The following HCN2 variants were observed in gnomAD, a reference collection of about 807,000 sequenced individuals.
HCN2 encodes potassium/sodium hyperpolarization-activated cyclic nucleotide-gated channel 2.
A neutral mutation model predicts 52.3 loss-of-function variants in HCN2; 20 were observed. The observed-to-expected ratio is 0.38, with a 90% CI of 0.27 to 0.56. HCN2 has a LOEUF of 0.56. Ranked by LOEUF, HCN2 falls within the 20% of genes least tolerant of loss-of-function variation. The pLI is 0.71. For missense variants in HCN2, 981 were observed against 1,207.7 expected, an observed-to-expected ratio of 0.81 and a Z score of 2.78; for synonymous variants, 694 against 537.0, an observed-to-expected ratio of 1.29 and a Z score of -4.04.
chr19:604,915 G>A, intron 2 of HCN2, 146 bp from the exon 3 acceptor site: 2 of 829,956 alleles, frequency 2.4e-6, no homozygotes, highest in Non-Finnish European at 3.6e-6. Context: ...GGGCAGGGCT[G>A]CAGGGTGGGG....
intron 1 of HCN2, among the ~76,000 whole-genome samples, chr19:600,430 T>C (rs1045954574): frequency 1.3e-5 from 2 of 152,142 alleles, no homozygotes; most frequent in African/African-American, 2.4e-5. Context: ...AACCTCCGCC[T>C]CACTGGTTCA....
At chr19:613,697 ATGGGGCCGGGGATGGGG>A (rs1983765131) in intron 6 of HCN2, among the ~76,000 whole-genome samples, 138 bp from the exon 7 acceptor site, 1 of 24,698 alleles carries the variant, frequency 4.0e-5, no homozygotes. Context: ...GGGGCCGGGG[ATGGGGCCGGGGATGGGG>A]CCGGGGCCGG....
In HCN2 at chr19:612,575, A is replaced by G. The variant is rs574937719; in HGVS notation, c.1585-673A>G. On this transcript the variant is annotated intron_variant, in intron 5 of 7. Transcript: ENST00000251287. ...ATTACAGGCACCCGCCACCACACCC[A>G]GCTAATTTTTTGTATTTTTAGTAGA... 8.7e-3 allele frequency among the ~76,000 whole-genome samples: 1,323 copies of G among 151,996 alleles called. 13 individuals carry two copies. The highest frequency in any genetic ancestry group is 0.015 in the Non-Finnish European group (993 of 67,966).
chr19:599,646 G>T (rs2144510691), intron 1 of HCN2, among the ~76,000 whole-genome samples: 1 of 152,110 alleles, frequency 6.6e-6, no homozygotes, highest in Non-Finnish European at 1.5e-5. Context: ...AAATTATCTG[G>T]GCGTGGTGGC....
chr19:612,423 TGTGTGA>T (rs1246200419), intron 5 of HCN2, among the ~76,000 whole-genome samples: 2 of 126,230 alleles, frequency 1.6e-5, no homozygotes, highest in African/African-American at 2.9e-5. Flanking sequence ...TGTGTGTGTG[TGTGTGA>T]GAGAGAGATG....
At position 613,006 on chromosome 19, in the gene HCN2, C is replaced by T. The variant is rs749990238; in HGVS notation, c.1585-242C>T. ...CCTTTCCACCGCTCTTGTCTACAGCCGCCCCTCCTGGTCCGATTGTATTGG... is the reference window on the plus strand; with the variant it reads ...CCTTTCCACCGCTCTTGTCTACAGCTGCCCCTCCTGGTCCGATTGTATTGG... On this transcript the variant is annotated intron_variant, in intron 5 of 7. Coordinates refer to ENST00000251287, the MANE Select transcript of HCN2 (RefSeq NM_001194.4). Among the ~76,000 whole-genome samples the T allele has an allele frequency of 5.9e-5, 9 of 152,208 alleles. 1 individual carries two copies. The highest frequency in any genetic ancestry group is 1.0e-4 in the Non-Finnish European group (7 of 68,034).
At chr19:610,166 C>A in intron 4 of HCN2, 93 bp from the exon 5 acceptor site, 1 of 1,466,364 alleles carries the variant, frequency 6.8e-7, no homozygotes, top group Non-Finnish European at 9.3e-7. Context: ...CGGTGTCTGA[C>A]CCAGCCTCGC....
intron 1 of HCN2, among the ~76,000 whole-genome samples, chr19:597,760 G>A (rs908057356): frequency 3.3e-5 from 5 of 150,500 alleles, no homozygotes; most frequent in Non-Finnish European, 7.4e-5. Context: ...CCTCCTGGTG[G>A]TTTCTAGGTC....
At chr19:596,344 C>A (rs1464093117) in intron 1 of HCN2, among the ~76,000 whole-genome samples, 1 of 152,178 alleles carries the variant, frequency 6.6e-6, no homozygotes, top group African/African-American at 2.4e-5. Context: ...GGGGGCCCCA[C>A]TGAAGCCACT....
chr19:614,081 C>T lies in HCN2; in HGVS notation c.1990+65C>T, dbSNP rs913245763. The stretch of plus-strand genomic sequence containing the variant: ...CGGGGGAGGGGCGTGGCCAAGGCAT[C>T]AGGAGAGTGGCTTGGACAGTGGCAG... On this transcript the variant is annotated intron_variant, in intron 7 of 7. Transcript: ENST00000251287. 2.4e-4 allele frequency: 138 copies of T among 565,180 alleles called. 1 individual carries two copies. The African/African-American group carries it at 6.3e-3, about 26-fold the overall frequency. 35.0% of individuals were successfully genotyped at this position (565,180 alleles called of 1,614,324 possible).
Position 616,510 on chromosome 19 carries a change from G to T in HCN2, c.*36G>T. On this transcript the variant is annotated 3_prime_UTR_variant, in exon 8 of 8. Transcript: ENST00000251287. ...CCGCCCCGCGGGCCCAGGCGGGCCG[G>T]GGGCGGGGCCGTCATCCAGACCAAA... 8.5e-7 allele frequency: 1 copy of T among 1,172,330 alleles called. No individual in the cohort carries two copies. The highest frequency in any genetic ancestry group is 2.6e-5 in the South Asian group (1 of 38,812). The allele number at this position is 1,172,330 out of a possible 1,614,324, so 72.6% of individuals were successfully genotyped here. A position where few individuals can be genotyped will look rare whatever the true frequency, so the allele number is the denominator to read the frequency against.
In HCN2 at chr19:613,882, C is replaced by T. The variant is rs1279092533; in HGVS notation, c.1856C>T (p.Thr619Met). The T allele has an allele frequency of 1.3e-6, 2 of 1,593,994 alleles. No individual in the cohort carries two copies. Among genetic ancestry groups the T allele is most frequent in the Non-Finnish European group, 1.7e-6 (2 of 1,170,736 alleles). Residue 619 changes from threonine (T) to methionine (M), a missense_variant, in exon 7 of 8, where the codon ACG becomes ATG. Around this residue, in one of 6 missense-constraint regions of HCN2, gnomAD observed 85 missense variants for 106.1 expected, o/e 0.80. Transcript: ENST00000251287. Reference sequence around the variant, plus strand: ...TGCCTGCTCACCCGGGGCCGCCGCACGGCGAGCGTGCGGGCTGACACCTAC... The same window carrying T: ...TGCCTGCTCACCCGGGGCCGCCGCATGGCGAGCGTGCGGGCTGACACCTAC... ...EICLLTRGRR[T>M]ASVRADTYCR...
chr19:594,298 G>A lies in HCN2; in HGVS notation c.632+3721G>A, dbSNP rs1469840080. Among the ~76,000 whole-genome samples, 3 of 152,172 alleles carry A rather than the reference G, an allele frequency of 2.0e-5. No individual in the cohort carries two copies. The South Asian group carries it at 6.2e-4, about 32-fold the overall frequency. On this transcript the variant is annotated intron_variant, in intron 1 of 7. Transcript: ENST00000251287. ...GGGGTTTGTGCCCTGGGAGCTCTGG[G>A]GGGCACAGGGCAGGTGTCGGGTGGA...
At chr19:612,050 C>T (rs1983658903) in intron 5 of HCN2, among the ~76,000 whole-genome samples, 1 of 151,998 alleles carries the variant, frequency 6.6e-6, no homozygotes, top group African/African-American at 2.4e-5. Context: ...GAGGCTGAGA[C>T]AGGAGAATCG....
intron 1 of HCN2, among the ~76,000 whole-genome samples, chr19:601,763 A>G (rs1456146581): frequency 1.3e-5 from 2 of 152,096 alleles, no homozygotes; most frequent in African/African-American, 4.8e-5. Context: ...TCTGTCCAGT[A>G]GCCATTTGCT....
chr19:596,871 A>G (rs929422983), intron 1 of HCN2, among the ~76,000 whole-genome samples: 1 of 151,866 alleles, frequency 6.6e-6, no homozygotes. Flanking sequence ...TCCCAAGGTC[A>G]CTCAGTCTAG....
chr19:594,723 C>T (rs1042021831), intron 1 of HCN2, among the ~76,000 whole-genome samples: 13 of 152,200 alleles, frequency 8.5e-5, no homozygotes, highest in African/African-American at 2.4e-4. Flanking sequence ...CAGGGCGAGG[C>T]GAGGGTTTGT....
chr19:595,379 C>G (rs1348099518), intron 1 of HCN2, among the ~76,000 whole-genome samples: 3 of 151,806 alleles, frequency 2.0e-5, no homozygotes, highest in Non-Finnish European at 2.9e-5. Context: ...TCCCGGCTGT[C>G]AGCATGGGCC....
rs944114585 is a variant in HCN2, at chr19:590,165, C to A, written c.220C>A (p.Arg74=). 571 of 976,746 alleles carry A rather than the reference C, an allele frequency of 5.8e-4. 5 individuals carry two copies. The African/African-American group carries it at 9.0e-3, about 15-fold the overall frequency. 60.5% of individuals were successfully genotyped at this position (976,746 alleles called of 1,614,324 possible). The change falls in exon 1 of 8, where the codon CGG becomes AGG. Residue 74 remains arginine, a synonymous_variant. Coordinates refer to ENST00000251287, the MANE Select transcript of HCN2 (RefSeq NM_001194.4). This position sits in a 1 kb window ranked among gnomAD's most constrained non-coding sequence, Gnocchi z 7.2. ...EAADEGGPRG[R]LRSRDSSCGR... ...GGCGGATGAGGGCGGCCCGCGGGGC[C>A]GGCTCCGCAGCCGCGACAGCTCGTG...
Sources: allele counts gnomAD v4.1 joint callset (sites outside exome capture counted in the v4.1 genomes callset), GRCh38; gene constraint gnomAD v4.1.1; regional missense constraint gnomAD v4.1.1; non-coding constraint Gnocchi (gnomAD v3.1); transcripts MANE v1.5; gene names NCBI Gene and HGNC (gene_info 2026-07-23, HGNC 2026-07-21).